Variants in PRXL2A observed in about 807,000 individuals in gnomAD.
PRXL2A encodes peroxiredoxin like 2A, also known as peroxiredoxin-like 2A.
In PRXL2A, 26 loss-of-function variants were observed where a neutral mutation model predicts 25.6. That is an observed-to-expected ratio of 1.02 (90% CI 0.74 to 1.41). PRXL2A has a LOEUF of 1.41. Among genes scored for constraint, PRXL2A ranks in the 40% most tolerant of loss-of-function variants. PRXL2A has a pLI of 0.00. For missense variants in PRXL2A, 246 were observed against 273.9 expected, an observed-to-expected ratio of 0.90 and a Z score of 0.72; for synonymous variants, 98 against 102.9, an observed-to-expected ratio of 0.95 and a Z score of 0.29.
chr10:80,425,304 TA>T (rs1845004722), intron 3 of PRXL2A, among the ~76,000 whole-genome samples: 1 of 152,208 alleles, frequency 6.6e-6, no homozygotes, highest in African/African-American at 2.4e-5. Context: ...ACCTGGTATT[TA>T]GCACCTGTTT....
At chr10:80,408,518 T>A (rs1339172739), upstream of PRXL2A, 1 of 152,174 alleles carries the variant, frequency 6.6e-6, no homozygotes, top group Non-Finnish European at 1.5e-5. Context: ...TAGCGCGCGA[T>A]GCAGCACAGG....
intron 4 of PRXL2A, 130 bp from the exon 5 acceptor site, chr10:80,427,202 G>A: frequency 1.4e-6 from 1 of 697,534 alleles, no homozygotes; most frequent in Non-Finnish European, 2.5e-6. Flanking sequence ...TGTTGGGTGG[G>A]AGAGAAGACT....
In PRXL2A at chr10:80,420,137, C is replaced by T. The variant is rs572003673; in HGVS notation, c.-2-329C>T. On this transcript the variant is annotated intron_variant, in intron 1 of 5. Transcript: ENST00000606162. ...TGCCTACAGGGGACATAGCTCGGCA[C>T]AGCTCCACAGAGCTAGGGGCTGCAA... 538 of 1,008,038 alleles carry T rather than the reference C, an allele frequency of 5.3e-4. 1 individual carries two copies. The highest frequency in any genetic ancestry group is 1.2e-3 in the Admixed American group (21 of 16,976). The allele number at this position is 1,008,038 out of a possible 1,614,324, so 62.4% of individuals were successfully genotyped here. A position where few individuals can be genotyped will look rare whatever the true frequency, so the allele number is the denominator to read the frequency against.
At chr10:80,428,580 A>T (rs1217594292) in intron 5 of PRXL2A, among the ~76,000 whole-genome samples, 1 of 151,498 alleles carries the variant, frequency 6.6e-6, no homozygotes, top group African/African-American at 2.4e-5. Context: ...GAGGCAGGAG[A>T]TTTGCTTGAA....
chr10:80,424,671 G>C (rs1844980929), intron 3 of PRXL2A, among the ~76,000 whole-genome samples: 1 of 151,936 alleles, frequency 6.6e-6, no homozygotes, highest in Admixed American at 6.6e-5. Flanking sequence ...TTCAAGACCA[G>C]CCTGGCCAAC....
chr10:80,430,399 G>A (rs1845212062), intron 5 of PRXL2A, among the ~76,000 whole-genome samples: 1 of 152,114 alleles, frequency 6.6e-6, no homozygotes, highest in Non-Finnish European at 1.5e-5. Flanking sequence ...GCCGCACCCT[G>A]CCTGAATTTT....
chr10:80,431,657 C>T (rs1845265736), intron 5 of PRXL2A, among the ~76,000 whole-genome samples: 1 of 152,070 alleles, frequency 6.6e-6, no homozygotes. Context: ...TTCTCTTCAC[C>T]TGGTATGTTC....
At chr10:80,423,605 A>G (rs1844936957) in intron 3 of PRXL2A, among the ~76,000 whole-genome samples, 1 of 152,150 alleles carries the variant, frequency 6.6e-6, no homozygotes, top group African/African-American at 2.4e-5. Flanking sequence ...TGATGCCTGC[A>G]GTACCCTACC....
intron 1 of PRXL2A, among the ~76,000 whole-genome samples, chr10:80,411,554 A>G (rs73305106): frequency 0.085 from 12,869 of 152,270 alleles, 1,173 homozygotes; most frequent in African/African-American, 0.22. Flanking sequence ...GGGAGACCCA[A>G]ACCTGAGTCC....
At chr10:80,425,323 A>G (rs1252825246) in intron 3 of PRXL2A, among the ~76,000 whole-genome samples, 3 of 152,212 alleles carry the variant, frequency 2.0e-5, no homozygotes, top group Non-Finnish European at 2.9e-5. Flanking sequence ...TTTTATACCC[A>G]GCCATGTTCT....
At chr10:80,427,697 G>C (rs1845097809) in intron 5 of PRXL2A, among the ~76,000 whole-genome samples, 1 of 152,198 alleles carries the variant, frequency 6.6e-6, no homozygotes, top group African/African-American at 2.4e-5. Context: ...CCTCATACTT[G>C]AATCTACTCA....
intron 1 of PRXL2A, among the ~76,000 whole-genome samples, chr10:80,416,589 A>C (rs1844667569): frequency 6.6e-6 from 1 of 152,188 alleles, no homozygotes; most frequent in Non-Finnish European, 1.5e-5. Context: ...AGGATATTCC[A>C]GGCAGAGGGG....
intron 3 of PRXL2A, among the ~76,000 whole-genome samples, chr10:80,425,527 A>G (rs1397948781): frequency 2.0e-5 from 3 of 152,232 alleles, no homozygotes; most frequent in Admixed American, 6.5e-5. Context: ...AGATCTTTTT[A>G]GAACGGGGAT....
chr10:80,411,767 C>T (rs906929835), intron 1 of PRXL2A, among the ~76,000 whole-genome samples: 1 of 152,178 alleles, frequency 6.6e-6, no homozygotes, highest in African/African-American at 2.4e-5. Flanking sequence ...CAAGGAGGCC[C>T]ATGTGCACTC....
intron 3 of PRXL2A, among the ~76,000 whole-genome samples, chr10:80,422,874 G>A (rs1303282596): frequency 3.9e-5 from 6 of 152,222 alleles, no homozygotes; most frequent in East Asian, 1.9e-4. Flanking sequence ...CTTCTGATTC[G>A]GGTGTGGTCA....
rs1181894591 is a variant in PRXL2A, at chr10:80,434,621, G to A, written c.*2522G>A. ...GCAGAGGTGATGGAATTTTAAAGAG[G>A]GGAGGGAGGAGGTTCAAATAGAACT... On this transcript the variant is annotated 3_prime_UTR_variant, in exon 6 of 6. Coordinates refer to ENST00000606162, the MANE Select transcript of PRXL2A (RefSeq NM_032333.5). 1.3e-5 allele frequency: 2 copies of A among 152,182 alleles called. No individual in the cohort carries two copies. Among genetic ancestry groups the A allele is most frequent in the African/African-American group, 2.4e-5 (1 of 41,432 alleles). 9.4% of individuals were successfully genotyped at this position (152,182 alleles called of 1,614,324 possible).
At position 80,435,728 on chromosome 10, in the gene PRXL2A, G is replaced by A. The variant is rs1411885455; in HGVS notation, c.*3629G>A. On this transcript the variant is annotated 3_prime_UTR_variant, in exon 6 of 6. Transcript: ENST00000606162. ...GCCTCCCAAAGTGTTTAGATTACAG[G>A]TGTAAGCCACCACACGTGGCCAGCC... 3 of 152,182 alleles carry A rather than the reference G, an allele frequency of 2.0e-5. No individual in the cohort carries two copies. The highest frequency in any genetic ancestry group is 4.4e-5 in the Non-Finnish European group (3 of 68,060). The allele number at this position is 152,182 out of a possible 1,614,324, so 9.4% of individuals were successfully genotyped here.
Position 80,436,521 on chromosome 10 carries a change from G to A in PRXL2A, c.*4422G>A, listed in dbSNP as rs113237683. 54,098 of 151,696 alleles carry A rather than the reference G, an allele frequency of 0.36. 11,027 individuals carry two copies. Among genetic ancestry groups the A allele is most frequent in the East Asian group, 0.82 (4,177 of 5,122 alleles). 9.4% of individuals were successfully genotyped at this position (151,696 alleles called of 1,614,324 possible). ...CAGTGTGGAAGACCAGCACACTCACGTCAGGAGACCTTACCTGGAGCCAGG... is the reference window on the plus strand; with the variant it reads ...CAGTGTGGAAGACCAGCACACTCACATCAGGAGACCTTACCTGGAGCCAGG... On this transcript the variant is annotated 3_prime_UTR_variant, in exon 6 of 6. Coordinates refer to ENST00000606162, the MANE Select transcript of PRXL2A (RefSeq NM_032333.5).
intron 1 of PRXL2A, among the ~76,000 whole-genome samples, chr10:80,419,846 T>G (rs987742193): frequency 6.6e-6 from 1 of 152,160 alleles, no homozygotes; most frequent in Non-Finnish European, 1.5e-5. Context: ...CTCTTCTCAA[T>G]TGGGAGAAAT....
Sources: gnomAD v4.1 joint callset for allele counts (sites outside exome capture counted in the v4.1 genomes callset) on GRCh38, gnomAD v4.1.1 for gene constraint, MANE v1.5 for transcripts, NCBI Gene and HGNC (gene_info 2026-07-23, HGNC 2026-07-21) for gene names.